The following HSD17B12 variants were observed in gnomAD, a reference collection of about 807,000 sequenced individuals.
HSD17B12 encodes very-long-chain 3-oxoacyl-CoA reductase.
HSD17B12 carries 32 observed loss-of-function variants against 39.3 expected under a neutral mutation model. That is an observed-to-expected ratio of 0.81 (90% CI 0.61 to 1.09). The LOEUF (loss-of-function observed/expected upper bound fraction) is 1.09, where lower values mean the gene tolerates loss of function less well. Among genes scored for constraint, HSD17B12 ranks in the 50% least tolerant of loss-of-function variants. The pLI is 0.00. For synonymous variants in HSD17B12, 150 were observed against 146.7 expected (o/e 1.02, Z -0.16); for missense variants, 342 against 382.9 (o/e 0.89, Z 0.89).
intron 1 of HSD17B12, among the ~76,000 whole-genome samples, chr11:43,720,317 C>G (rs1204211948): frequency 6.6e-6 from 1 of 152,212 alleles, no homozygotes; most frequent in African/African-American, 2.4e-5. Flanking sequence ...TTTCAGTGTT[C>G]TACCTGGAAA....
At chr11:43,713,236 C>A (rs575330274) in intron 1 of HSD17B12, among the ~76,000 whole-genome samples, 2 of 151,932 alleles carry the variant, frequency 1.3e-5, no homozygotes, top group Non-Finnish European at 2.9e-5. Flanking sequence ...CCCATGAACT[C>A]GTTATTTACA....
chr11:43,695,314 C>T lies in HSD17B12; in HGVS notation c.160+14327C>T, dbSNP rs745897545. On this transcript the variant is annotated intron_variant, in intron 1 of 10. Coordinates refer to ENST00000278353, the MANE Select transcript of HSD17B12 (RefSeq NM_016142.3). ...TCTTTATTGGCCGGGCGTGGTGGCT[C>T]GTACATGTAATCCCAGCATTTTCGG... Among the ~76,000 whole-genome samples the T allele has an allele frequency of 6.6e-5, 10 of 151,928 alleles. No homozygotes were observed. The East Asian group carries it at 1.2e-3, about 18-fold the overall frequency.
intron 4 of HSD17B12, among the ~76,000 whole-genome samples, chr11:43,814,872 TC>T (rs1391407954): frequency 2.0e-5 from 3 of 152,196 alleles, no homozygotes; most frequent in Non-Finnish European, 4.4e-5. Flanking sequence ...CAACATTTTT[TC>T]CCCACTTTTT....
At chr11:43,752,680 C>T (rs968871767) in intron 2 of HSD17B12, among the ~76,000 whole-genome samples, 5 of 152,002 alleles carry the variant, frequency 3.3e-5, no homozygotes, top group African/African-American at 1.2e-4. Flanking sequence ...CACCGTGGCA[C>T]TCCAGCCTGG....
At chr11:43,723,218 A>G (rs1005021942) in intron 1 of HSD17B12, among the ~76,000 whole-genome samples, 3 of 152,218 alleles carry the variant, frequency 2.0e-5, no homozygotes, top group African/African-American at 7.2e-5. Context: ...ATCGTAACAT[A>G]AGGCAAGATT....
chr11:43,835,126 A>G (rs1017269806), intron 7 of HSD17B12, among the ~76,000 whole-genome samples: 31 of 152,298 alleles, frequency 2.0e-4, no homozygotes, highest in African/African-American at 7.0e-4. Flanking sequence ...TTCCAATCTT[A>G]GAATTGTTCC....
chr11:43,805,413 G>A (rs1951008732), intron 4 of HSD17B12, among the ~76,000 whole-genome samples: 1 of 152,126 alleles, frequency 6.6e-6, no homozygotes, highest in South Asian at 2.1e-4. Flanking sequence ...CTTAAAAAAG[G>A]AAACTATGTG....
intron 9 of HSD17B12, chr11:43,852,437 C>G (rs1455485407): frequency 1.3e-5 from 2 of 150,258 alleles, no homozygotes; most frequent in African/African-American, 4.9e-5. Context: ...ATACCTTTAC[C>G]AGGCTTGTGA....
In HSD17B12 at chr11:43,754,091, G is replaced by A; in HGVS notation, c.253G>A (p.Asp85Asn). 6.2e-7 allele frequency: 1 copy of A among 1,612,010 alleles called. No individual in the cohort carries two copies. The highest frequency in any genetic ancestry group is 2.2e-5 in the East Asian group (1 of 44,814). Residue 85 changes from aspartate to asparagine, a missense_variant, in exon 3 of 11, where the codon GAT becomes AAT. Transcript: ENST00000278353. ...GGTTGTCCTTATCAGCAGATCAAAG[G>A]ATAAACTTGACCAGGTTTCCAGTGA... ...MKVVLISRSK[D>N]KLDQVSSEIK...
At chr11:43,741,891 G>A (rs1388811303) in intron 1 of HSD17B12, among the ~76,000 whole-genome samples, 1 of 149,134 alleles carries the variant, frequency 6.7e-6, no homozygotes, top group Non-Finnish European at 1.5e-5. Flanking sequence ...CTGCCACCAC[G>A]CCTGGCTAAT....
intron 9 of HSD17B12, among the ~76,000 whole-genome samples, chr11:43,851,204 A>G (rs1951527414): frequency 6.6e-6 from 1 of 152,210 alleles, no homozygotes; most frequent in African/African-American, 2.4e-5. Context: ...AGACCAGGAT[A>G]CTTGCCCACA....
chr11:43,806,739 A>G (rs1172806383), intron 4 of HSD17B12, among the ~76,000 whole-genome samples: 1 of 152,226 alleles, frequency 6.6e-6, no homozygotes, highest in Admixed American at 6.5e-5. Flanking sequence ...ACAAATGTAT[A>G]CTTAGATGGA....
intron 3 of HSD17B12, among the ~76,000 whole-genome samples, chr11:43,770,218 A>G (rs1950635946): frequency 6.6e-6 from 1 of 152,174 alleles, no homozygotes; most frequent in Admixed American, 6.5e-5. Context: ...AGTACATTTC[A>G]CTTACTCAAA....
the HSD17B12 span, among the ~76,000 whole-genome samples, chr11:43,661,798 T>A: frequency 1.3e-5 from 2 of 152,212 alleles, no homozygotes; most frequent in African/African-American, 4.8e-5. Flanking sequence ...ATGCACAAAG[T>A]ATATCAAGCC....
chr11:43,787,707 AGTCTGG>A (rs1208129446), intron 3 of HSD17B12, among the ~76,000 whole-genome samples: 2 of 151,346 alleles, frequency 1.3e-5, no homozygotes, highest in Non-Finnish European at 2.9e-5. Context: ...ACTGCACTCC[AGTCTGG>A]GTGACAGAGC....
At chr11:43,605,480 T>C in the HSD17B12 span, among the ~76,000 whole-genome samples, 1 of 149,702 alleles carries the variant, frequency 6.7e-6, no homozygotes, top group South Asian at 2.1e-4. Context: ...AGAATCGCTT[T>C]AACCCAGGAG....
chr11:43,666,985 A>G, the HSD17B12 span, among the ~76,000 whole-genome samples: 1 of 152,234 alleles, frequency 6.6e-6, no homozygotes, highest in African/African-American at 2.4e-5. Context: ...TTCCCTGCAG[A>G]TAGCAAACCA....
the HSD17B12 span, among the ~76,000 whole-genome samples, chr11:43,564,759 A>T: frequency 6.6e-6 from 1 of 152,202 alleles, no homozygotes; most frequent in African/African-American, 2.4e-5. Context: ...ACCAATTGGA[A>T]CCCATATATT....
intron 3 of HSD17B12, among the ~76,000 whole-genome samples, chr11:43,777,239 C>T (rs1459694208): frequency 6.6e-6 from 1 of 152,210 alleles, no homozygotes; most frequent in Non-Finnish European, 1.5e-5. Context: ...CACCCATGAG[C>T]ATGGAATGTT....
Sources: gnomAD v4.1 joint callset for allele counts (sites outside exome capture counted in the v4.1 genomes callset) on GRCh38, gnomAD v4.1.1 for gene constraint, MANE v1.5 for transcripts, NCBI Gene and HGNC (gene_info 2026-07-23, HGNC 2026-07-21) for gene names.